TAS2R1: variants seen among roughly 807,000 people sequenced by gnomAD.
The protein encoded by TAS2R1 is taste receptor type 2 member 1.
For missense variants in TAS2R1, 370 were observed against 353.4 expected, an observed-to-expected ratio of 1.05 and a Z score of -0.38; for synonymous variants, 141 against 134.2, an observed-to-expected ratio of 1.05 and a Z score of -0.35.
the TAS2R1 span, among the ~76,000 whole-genome samples, chr5:9,888,655 CAGT>C: frequency 6.6e-6 from 1 of 152,192 alleles, no homozygotes; most frequent in Non-Finnish European, 1.5e-5. Context: ...CACAAGCTTA[CAGT>C]CTGATTAGGA....
the TAS2R1 span, among the ~76,000 whole-genome samples, chr5:9,869,417 T>C: frequency 6.6e-6 from 1 of 152,066 alleles, no homozygotes; most frequent in Non-Finnish European, 1.5e-5. Context: ...AACCATCAGA[T>C]CTCATGAAAC....
At chr5:9,643,985 T>C (rs1484321852) in intron 2 of TAS2R1, among the ~76,000 whole-genome samples, 2 of 151,908 alleles carry the variant, frequency 1.3e-5, no homozygotes, top group African/African-American at 2.4e-5. Context: ...ATCCCATCAA[T>C]AAAAGAGCTT....
chr5:9,642,815 T>C (rs1740113837), intron 2 of TAS2R1, among the ~76,000 whole-genome samples: 1 of 152,166 alleles, frequency 6.6e-6, no homozygotes, highest in African/African-American at 2.4e-5. Flanking sequence ...TTAGTTACAA[T>C]GAGGAAACAG....
In TAS2R1 at chr5:9,630,007, T is replaced by C; in HGVS notation, c.26A>G (p.Tyr9Cys). The C allele has an allele frequency of 3.8e-6, 6 of 1,583,706 alleles. No homozygotes were observed. Among genetic ancestry groups the C allele is most frequent in the Non-Finnish European group, 4.3e-6 (5 of 1,169,108 alleles). The change falls in exon 1 of 1, where the codon TAT becomes TGT. Residue 9 changes from tyrosine to cysteine, a missense_variant. Physicochemically the swap from Tyr to Cys is radical, Grantham distance 194 (BLOSUM62 -2). Transcript: ENST00000382492. Reference sequence around the variant, plus strand: ...AAATTGTATCACTGCAAGAAGAAAATAGATAATGAGGTGAGACTCTAGCAT... The same window carrying C: ...AAATTGTATCACTGCAAGAAGAAAACAGATAATGAGGTGAGACTCTAGCAT... MLESHLIIYFLLAVIQFLL... is the reference protein window; with the variant it reads MLESHLIICFLLAVIQFLL...
intron 1 of TAS2R1, among the ~76,000 whole-genome samples, chr5:9,667,571 C>G (rs977659345): frequency 6.6e-5 from 10 of 152,194 alleles, no homozygotes; most frequent in African/African-American, 2.4e-4. Context: ...AGGATATAGC[C>G]TGTCTGCCAG....
chr5:9,645,674 C>T (rs1007666530), intron 2 of TAS2R1: 2 of 152,096 alleles, frequency 1.3e-5, no homozygotes. Context: ...AACATGAGAC[C>T]CAAATTCATC....
In TAS2R1 at chr5:9,629,355, C is replaced by A. The variant is rs140696180; in HGVS notation, c.678G>T (p.Ala226=). 2 of 1,613,816 alleles carry A rather than the reference C, an allele frequency of 1.2e-6. No homozygotes were observed. The highest frequency in any genetic ancestry group is 1.7e-6 in the Non-Finnish European group (2 of 1,179,890). Residue 226 remains alanine, a synonymous_variant, in exon 1 of 1, where the codon GCG becomes GCT. Coordinates refer to ENST00000382492, the MANE Select transcript of TAS2R1 (RefSeq NM_019599.3). ...RVPGRGAPIS[A]LLSILSFLIL... ...TCAGGAAGGACAGGATAGACAGCAA[C>A]GCGCTGATGGGTGCACCCCTGCCAG...
chr5:9,697,030 G>C (rs1335583325), intron 1 of TAS2R1, among the ~76,000 whole-genome samples: 1 of 151,800 alleles, frequency 6.6e-6, no homozygotes, highest in Non-Finnish European at 1.5e-5. Context: ...AATAAAAAAA[G>C]AAGGAAGAAA....
At chr5:9,760,097 T>A in the TAS2R1 span, among the ~76,000 whole-genome samples, 1 of 152,226 alleles carries the variant, frequency 6.6e-6, no homozygotes, top group Non-Finnish European at 1.5e-5. Context: ...ACAAATCTGA[T>A]AACTTGGTAA....
intron 1 of TAS2R1, among the ~76,000 whole-genome samples, chr5:9,711,660 T>G (rs1202257002): frequency 6.6e-6 from 1 of 152,066 alleles, no homozygotes; most frequent in Non-Finnish European, 1.5e-5. Flanking sequence ...GACTTCATGT[T>G]GTATTTATTT....
At chr5:9,745,218 T>G in the TAS2R1 span, among the ~76,000 whole-genome samples, 2 of 151,546 alleles carry the variant, frequency 1.3e-5, no homozygotes, top group African/African-American at 2.4e-5. Context: ...TTGACAGGAG[T>G]TGGCAACTGG....
chr5:9,700,257 A>G (rs1051795372), intron 1 of TAS2R1, among the ~76,000 whole-genome samples: 2 of 152,190 alleles, frequency 1.3e-5, no homozygotes, highest in African/African-American at 2.4e-5. Flanking sequence ...AAATGGAATC[A>G]TTCATCAAGG....
the TAS2R1 span, among the ~76,000 whole-genome samples, chr5:9,747,906 T>A: frequency 1.3e-5 from 2 of 151,672 alleles, no homozygotes; most frequent in Non-Finnish European, 1.5e-5. Flanking sequence ...GGATAACTAG[T>A]GTCACAAGGT....
chr5:9,753,113 A>G, the TAS2R1 span, among the ~76,000 whole-genome samples: 1 of 152,128 alleles, frequency 6.6e-6, no homozygotes, highest in Admixed American at 6.5e-5. Flanking sequence ...AGATCCCTGA[A>G]GAATCGCCAC....
the TAS2R1 span, among the ~76,000 whole-genome samples, chr5:9,809,219 C>G: frequency 6.6e-5 from 10 of 152,184 alleles, no homozygotes; most frequent in South Asian, 4.2e-4. Flanking sequence ...AGAGCTGATG[C>G]TAGAATAAGT....
chr5:9,852,920 C>T, the TAS2R1 span, among the ~76,000 whole-genome samples: 1 of 152,144 alleles, frequency 6.6e-6, no homozygotes, highest in Admixed American at 6.5e-5. Context: ...CATGACACTT[C>T]TCCCAGTAAC....
At chr5:9,812,519 C>T in the TAS2R1 span, among the ~76,000 whole-genome samples, 1 of 151,946 alleles carries the variant, frequency 6.6e-6, no homozygotes, top group East Asian at 1.9e-4. Flanking sequence ...TGGCCAAAGT[C>T]ACAGATGAGA....
the TAS2R1 span, among the ~76,000 whole-genome samples, chr5:9,833,033 A>G: frequency 1.3e-5 from 2 of 152,238 alleles, no homozygotes; most frequent in African/African-American, 2.4e-5. Context: ...CTTTCAGGAC[A>G]TAGGTAGATA....
chr5:9,734,933 AG>A, the TAS2R1 span, among the ~76,000 whole-genome samples: 1 of 151,542 alleles, frequency 6.6e-6, no homozygotes, highest in Non-Finnish European at 1.5e-5. Flanking sequence ...ACTGCTATGA[AG>A]AACTACCTGA....
Sources: gnomAD v4.1 joint callset for allele counts (sites outside exome capture counted in the v4.1 genomes callset) on GRCh38, gnomAD v4.1.1 for gene constraint, MANE v1.5 for transcripts, NCBI Gene and HGNC (gene_info 2026-07-23, HGNC 2026-07-21) for gene names.